STK4: variants seen among roughly 807,000 people sequenced by gnomAD.
STK4 encodes the protein serine/threonine kinase 4, also known as serine/threonine-protein kinase 4.
Under a neutral mutation model 64.9 loss-of-function variants are expected in STK4, and 30 were observed. That is an observed-to-expected ratio of 0.46 (90% confidence interval 0.35 to 0.63). The LOEUF (loss-of-function observed/expected upper bound fraction) is 0.63, where lower values mean the gene tolerates loss of function less well. Ranked by LOEUF, STK4 falls within the 20% of genes least tolerant of loss-of-function variation. The pLI, the probability that STK4 is intolerant of heterozygous loss-of-function variation, is 0.01. For missense variants in STK4, 466 were observed against 598.5 expected, an observed-to-expected ratio of 0.78 and a Z score of 2.31; for synonymous variants, 177 against 199.0, an observed-to-expected ratio of 0.89 and a Z score of 0.93.
At chr20:45,011,008 C>T (rs1243202158) in intron 9 of STK4, among the ~76,000 whole-genome samples, 2 of 152,276 alleles carry the variant, frequency 1.3e-5, no homozygotes, top group East Asian at 3.9e-4. Context: ...TAAGTGGCCT[C>T]AAGCATACAT....
At chr20:45,051,320 T>C (rs924307140) in intron 10 of STK4, among the ~76,000 whole-genome samples, 1 of 152,236 alleles carries the variant, frequency 6.6e-6, no homozygotes, top group Non-Finnish European at 1.5e-5. Flanking sequence ...TTTTATATAA[T>C]TTGGCATCAA....
intron 9 of STK4, chr20:45,007,914 A>G (rs1011090730): frequency 5.4e-5 from 14 of 258,866 alleles, no homozygotes; most frequent in Admixed American, 1.3e-4. Flanking sequence ...GTAGTCTGCA[A>G]TGTCTGTTAT....
chr20:45,008,471 A>G (rs1247327692), intron 9 of STK4, among the ~76,000 whole-genome samples: 1 of 152,172 alleles, frequency 6.6e-6, no homozygotes, highest in Non-Finnish European at 1.5e-5. Context: ...GGTTGATTCC[A>G]TATCTTCGCT....
intron 10 of STK4, among the ~76,000 whole-genome samples, chr20:45,063,876 C>T (rs969176468): frequency 1.2e-4 from 18 of 150,508 alleles, no homozygotes; most frequent in South Asian, 8.4e-4. Flanking sequence ...GGTGTGATCT[C>T]GGCTCACTGC....
At chr20:45,017,815 T>C (rs978740233) in intron 9 of STK4, among the ~76,000 whole-genome samples, 6 of 152,200 alleles carry the variant, frequency 3.9e-5, no homozygotes, top group Non-Finnish European at 7.3e-5. Flanking sequence ...TCTTTGAATT[T>C]ATATATTTCA....
rs1165149518 is a variant in STK4, at chr20:45,026,363, AAAT to A, written c.1305+1236_1305+1238del. Among the ~76,000 whole-genome samples the A allele has an allele frequency of 1.2e-3, 180 of 148,526 alleles. 1 individual carries two copies. Among genetic ancestry groups the A allele is most frequent in the African/African-American group, 4.4e-3 (174 of 39,788 alleles). On this transcript the variant is annotated intron_variant, in intron 10 of 10. Transcript: ENST00000372806. ...TGTGTGTGTGTGCATAGTTTTTTAA[AAAT>A]AAGAGTAGTCAAGGAAGTTCTCACT...
intron 9 of STK4, among the ~76,000 whole-genome samples, chr20:45,014,259 T>C (rs2068101746): frequency 6.6e-6 from 1 of 151,722 alleles, no homozygotes; most frequent in Non-Finnish European, 1.5e-5. Flanking sequence ...ACCCCATCTC[T>C]ACTAAAAATA....
At position 45,051,502 on chromosome 20, in the gene STK4, G is replaced by A. The variant is rs186962106; in HGVS notation, c.1306-23516G>A. Among the ~76,000 whole-genome samples the A allele has an allele frequency of 2.4e-3, 360 of 152,238 alleles. 1 individual carries two copies. Among genetic ancestry groups the A allele is most frequent in the African/African-American group, 8.4e-3 (349 of 41,534 alleles). ...CTTTTTTCATGGTAGTTCAATAAGTGGTTACCAGGGGTCTTTCTTTGACAG... is the reference window on the plus strand; with the variant it reads ...CTTTTTTCATGGTAGTTCAATAAGTAGTTACCAGGGGTCTTTCTTTGACAG... On this transcript the variant is annotated intron_variant, in intron 10 of 10. Coordinates refer to ENST00000372806, the MANE Select transcript of STK4 (RefSeq NM_006282.5).
intron 7 of STK4, among the ~76,000 whole-genome samples, chr20:44,997,688 C>T (rs1171047671): frequency 2.6e-5 from 4 of 152,182 alleles, no homozygotes; most frequent in African/African-American, 7.2e-5. Flanking sequence ...TAGAGTGAGA[C>T]GCTATCTCGA....
chr20:44,976,593 A>C (rs893947575), intron 2 of STK4, among the ~76,000 whole-genome samples: 1 of 152,200 alleles, frequency 6.6e-6, no homozygotes. Context: ...TGCTGAGGGA[A>C]AGCTGTTGTC....
Position 44,975,511 on chromosome 20 carries a change from T to C in STK4, c.117-2932T>C, listed in dbSNP as rs961001993. 1.2e-4 allele frequency: 39 copies of C among 315,466 alleles called. 1 individual carries two copies. Among genetic ancestry groups the C allele is most frequent in the African/African-American group, 8.6e-4 (38 of 44,100 alleles). The allele number at this position is 315,466 out of a possible 1,614,324, so 19.5% of individuals were successfully genotyped here. A position where few individuals can be genotyped will look rare whatever the true frequency, so the allele number is the denominator to read the frequency against. On this transcript the variant is annotated intron_variant, in intron 2 of 10. Transcript: ENST00000372806. ...GAAAATTATTTTAAATATAAGGATA[T>C]ATAGACAGCTATGGACAAGGGATAG...
intron 9 of STK4, among the ~76,000 whole-genome samples, chr20:45,016,275 CCTT>C (rs1214037863): frequency 1.3e-5 from 2 of 152,168 alleles, no homozygotes; most frequent in African/African-American, 2.4e-5. Flanking sequence ...TACACATGAG[CCTT>C]CTTTTGTAAA....
At chr20:45,030,637 T>G (rs1442214978) in intron 10 of STK4, among the ~76,000 whole-genome samples, 1 of 152,170 alleles carries the variant, frequency 6.6e-6, no homozygotes, top group African/African-American at 2.4e-5. Context: ...GAATTGCCTG[T>G]TTGCCAAGTT....
At chr20:45,033,688 T>C (rs1423370821) in intron 10 of STK4, among the ~76,000 whole-genome samples, 1 of 152,194 alleles carries the variant, frequency 6.6e-6, no homozygotes, top group Non-Finnish European at 1.5e-5. Context: ...CAAGTGATTC[T>C]CCTGCCTCAG....
At chr20:45,071,223 C>A (rs1980039267) in intron 10 of STK4, among the ~76,000 whole-genome samples, 1 of 152,158 alleles carries the variant, frequency 6.6e-6, no homozygotes, top group African/African-American at 2.4e-5. Flanking sequence ...ATTTCCCATA[C>A]CTCGTGAAAA....
At chr20:45,034,561 C>T (rs2068496397) in intron 10 of STK4, among the ~76,000 whole-genome samples, 1 of 152,070 alleles carries the variant, frequency 6.6e-6, no homozygotes, top group Admixed American at 6.6e-5. Context: ...CTTATTCTTT[C>T]AGAGACCAAA....
rs533192503 is a variant in STK4, at chr20:45,022,991, A to G, written c.1148-1982A>G. Among the ~76,000 whole-genome samples the G allele has an allele frequency of 2.0e-5, 3 of 152,378 alleles. No homozygotes were observed. The South Asian group carries it at 6.2e-4, about 32-fold the overall frequency. On this transcript the variant is annotated intron_variant, in intron 9 of 10. Coordinates refer to ENST00000372806, the MANE Select transcript of STK4 (RefSeq NM_006282.5). ...TTTAAGTGTGTATTTCCTAAGAAAG[A>G]AGATACCCTCTTTTGTTTGTATTTC...
chr20:44,966,636 G>A (rs539368329), intron 1 of STK4, 33 bp downstream of exon 1: 2 of 1,264,528 alleles, frequency 1.6e-6, no homozygotes, highest in South Asian at 6.6e-5. Context: ...GACGGGCATG[G>A]GGTCAGGGGA....
At chr20:45,041,365 A>T (rs1452709158) in intron 10 of STK4, among the ~76,000 whole-genome samples, 1 of 152,116 alleles carries the variant, frequency 6.6e-6, no homozygotes, top group Non-Finnish European at 1.5e-5. Flanking sequence ...CCATTCTGAG[A>T]TAACAGTAGT....
Sources: allele counts gnomAD v4.1 joint callset (sites outside exome capture counted in the v4.1 genomes callset), GRCh38; gene constraint gnomAD v4.1.1; transcripts MANE v1.5; gene names NCBI Gene and HGNC (gene_info 2026-07-23, HGNC 2026-07-21).